RFC1: variants seen among roughly 807,000 people sequenced by gnomAD.
RFC1 encodes the protein A1 140 kDa subunit.
Under a neutral mutation model 137.4 loss-of-function variants are expected in RFC1, and 37 were observed. The ratio of observed to expected loss-of-function variants is 0.27; its 90% CI spans 0.21 to 0.35. The LOEUF (loss-of-function observed/expected upper bound fraction) is 0.35. RFC1 is among the 10% of genes least tolerant of loss of function. The pLI, the probability that RFC1 is intolerant of heterozygous loss-of-function variation, is 1.00. For missense variants in RFC1, 1,205 were observed against 1,358.5 expected (o/e 0.89, Z 1.78); for synonymous variants, 429 against 455.7 (o/e 0.94, Z 0.75).
chr4:39,360,352 A>C (rs914041658), intron 1 of RFC1, among the ~76,000 whole-genome samples: 1 of 151,882 alleles, frequency 6.6e-6, no homozygotes, highest in Non-Finnish European at 1.5e-5. Context: ...AATACAAAAA[A>C]ATTAGCCAGA....
intron 4 of RFC1, among the ~76,000 whole-genome samples, chr4:39,333,422 A>G (rs1740200335): frequency 6.6e-6 from 1 of 152,186 alleles, no homozygotes; most frequent in African/African-American, 2.4e-5. Context: ...TTGCATATAA[A>G]TTTAGTCTAG....
At chr4:39,309,537 T>C (rs956592950) in intron 12 of RFC1, among the ~76,000 whole-genome samples, 1 of 152,238 alleles carries the variant, frequency 6.6e-6, no homozygotes, top group Non-Finnish European at 1.5e-5. Context: ...CAGGTCAACC[T>C]TGAAACCACT....
chr4:39,332,869 G>A (rs1740169060), intron 4 of RFC1, among the ~76,000 whole-genome samples: 1 of 152,224 alleles, frequency 6.6e-6, no homozygotes, highest in Admixed American at 6.5e-5. Flanking sequence ...TATAATCCCA[G>A]CACTTTGGGA....
rs1560615924 is a variant in RFC1 at position 39,342,407 on chromosome 4, G to A, written c.269C>T (p.Pro90Leu). The change falls in exon 4 of 25, where the codon CCA becomes CTA. Residue 90 changes from proline (P) to leucine (L), a missense_variant. This residue lies in a region of RFC1 where 962 missense variants were observed against 1,035.3 expected (regional missense o/e 0.93). Transcript: ENST00000349703. ...AATTTTACCAGGTTTAGAAGATACT[G>A]GCAGTTTTTCTGGTGGCTTTTTGGC... ...KNAKKPPEKLPVSSKPGKISR... is the reference protein window; with the variant it reads ...KNAKKPPEKLLVSSKPGKISR... 1.9e-6 allele frequency: 3 copies of A among 1,613,362 alleles called. No individual in the cohort carries two copies. The highest frequency in any genetic ancestry group is 2.5e-6 in the Non-Finnish European group (3 of 1,179,614).
intron 13 of RFC1, chr4:39,307,415 A>T (rs559242827): frequency 6.5e-6 from 1 of 152,926 alleles, no homozygotes. Flanking sequence ...GTTCACCCGA[A>T]GCTTTAAAAC....
chr4:39,359,760 T>C (rs993995239), intron 1 of RFC1, among the ~76,000 whole-genome samples: 5 of 150,672 alleles, frequency 3.3e-5, no homozygotes, highest in African/African-American at 1.2e-4. Context: ...AGGCGGACCT[T>C]GCAGTGAGCC....
chr4:39,361,071 C>G (rs1446309917), intron 1 of RFC1, among the ~76,000 whole-genome samples: 6 of 151,946 alleles, frequency 3.9e-5, no homozygotes, highest in Admixed American at 2.0e-4. Context: ...GGTGGGAACA[C>G]AGAAAAAAAA....
rs1738686905 is a variant in RFC1 at position 39,306,732 on chromosome 4, A to G, written c.1886-31T>C. On this transcript the variant is annotated intron_variant, in intron 13 of 24. Transcript: ENST00000349703. ...AGGAAAAAAGAAGTTCCAGAGTGTC[A>G]ACCTATATCACCTAACAGAAATTCA... 4.0e-6 allele frequency: 5 copies of G among 1,244,752 alleles called. No homozygotes were observed. The East Asian group carries it at 6.9e-5, about 17-fold the overall frequency. 77.1% of individuals were successfully genotyped at this position (1,244,752 alleles called of 1,614,324 possible).
chr4:39,299,124 G>A (rs1344379657), intron 21 of RFC1, among the ~76,000 whole-genome samples: 2 of 152,204 alleles, frequency 1.3e-5, no homozygotes, highest in South Asian at 2.1e-4. Flanking sequence ...TAGCATGAGC[G>A]ATCTGTGCCT....
At chr4:39,317,357 T>C (rs998210411) in intron 9 of RFC1, among the ~76,000 whole-genome samples, 1 of 152,192 alleles carries the variant, frequency 6.6e-6, no homozygotes, top group African/African-American at 2.4e-5. Context: ...TCATGATATA[T>C]CCATATATCC....
At chr4:39,360,379 T>C (rs1578178070) in intron 1 of RFC1, among the ~76,000 whole-genome samples, 1 of 152,240 alleles carries the variant, frequency 6.6e-6, no homozygotes, top group Non-Finnish European at 1.5e-5. Flanking sequence ...GGCATACGTC[T>C]GTAGTCCCAG....
intron 10 of RFC1, among the ~76,000 whole-genome samples, chr4:39,313,657 T>C (rs889303331): frequency 1.3e-5 from 2 of 151,992 alleles, no homozygotes; most frequent in South Asian, 4.2e-4. Flanking sequence ...CAACTTATAA[T>C]GCTTAATAAA....
chr4:39,308,368 C>A (rs953990564), intron 13 of RFC1, among the ~76,000 whole-genome samples: 1 of 152,168 alleles, frequency 6.6e-6, no homozygotes, highest in Non-Finnish European at 1.5e-5. Context: ...TCACAGCACC[C>A]TGGACTTACC....
rs1287743828 is a variant in RFC1, at chr4:39,327,593, T to C, written c.495A>G (p.Val165=). ...LSPIKLTPTS[V]LDYFGTGSVQ... ...CACTTCCAGTTCCAAAATAATCAAGTACTGATGTGGGTGTAAGTTTTATTG... is the reference window on the plus strand; with the variant it reads ...CACTTCCAGTTCCAAAATAATCAAGCACTGATGTGGGTGTAAGTTTTATTG... Residue 165 remains valine (V), a synonymous_variant, in exon 5 of 25, where the codon GTA becomes GTG. Coordinates refer to ENST00000349703, the MANE Select transcript of RFC1 (RefSeq NM_002913.5). 1 of 1,613,814 alleles carries C rather than the reference T, an allele frequency of 6.2e-7. No homozygotes were observed. The highest frequency in any genetic ancestry group is 8.5e-7 in the Non-Finnish European group (1 of 1,179,880).
Position 39,300,090 on chromosome 4 carries a change from G to A in RFC1, c.2739C>T (p.Ser913=), listed in dbSNP as rs181150088. The A allele has an allele frequency of 5.6e-6, 9 of 1,614,158 alleles. No homozygotes were observed. In the African/African-American group the frequency reaches 1.2e-4, roughly 22 times the overall value. Residue 913 remains serine, a synonymous_variant, in exon 21 of 25, where the codon AGC becomes AGT. Transcript: ENST00000349703. ...TGTCCACTAGGTCACCATCGCATAT[G>A]CTGTCTGCTGCTCTGCTTAAAAGCA... is the stretch of plus-strand genomic sequence containing the variant. ...HLMLLSRAAD[S]ICDGDLVDSQ... is the part of the protein sequence containing the mutation.
In RFC1 at chr4:39,288,749, T is replaced by C; in HGVS notation, c.*12A>G. ...GAGAGTAAAAAGTGGCTGTCGCTAG[T>C]GAAAAATGGTTTCATTTCTTCGAAC... On this transcript the variant is annotated 3_prime_UTR_variant, in exon 25 of 25. Transcript: ENST00000349703. 2 of 1,586,128 alleles carry C rather than the reference T, an allele frequency of 1.3e-6. No homozygotes were observed. The highest frequency in any genetic ancestry group is 1.7e-6 in the Non-Finnish European group (2 of 1,155,510).
intron 23 of RFC1, 143 bp downstream of exon 23, chr4:39,291,496 T>C: frequency 1.6e-6 from 1 of 638,668 alleles, no homozygotes; most frequent in Non-Finnish European, 2.8e-6. Context: ...ATAGTATCTT[T>C]GGAAAATATA....
intron 24 of RFC1, 131 bp from the exon 25 acceptor site, chr4:39,288,975 A>ATCT: frequency 1.5e-6 from 1 of 668,608 alleles, no homozygotes. Flanking sequence ...AAACATCGAG[A>ATCT]TCTTGAACTA....
At chr4:39,327,937 G>A (rs1215825635) in intron 4 of RFC1, among the ~76,000 whole-genome samples, 181 bp from the exon 5 acceptor site, 1 of 152,082 alleles carries the variant, frequency 6.6e-6, no homozygotes. Flanking sequence ...TTCGAGACCA[G>A]TCTGGGCAAC....
Sources: allele counts gnomAD v4.1 joint callset (sites outside exome capture counted in the v4.1 genomes callset), GRCh38; gene constraint gnomAD v4.1.1; regional missense constraint gnomAD v4.1.1; transcripts MANE v1.5; gene names NCBI Gene and HGNC (gene_info 2026-07-23, HGNC 2026-07-21).